NKAIN3: variants seen among roughly 807,000 people sequenced by gnomAD.
NKAIN3 encodes sodium/potassium-transporting ATPase subunit beta-1-interacting protein 3.
Under a neutral mutation model 30.2 loss-of-function variants are expected in NKAIN3, and 25 were observed. That is an observed-to-expected ratio of 0.83 (90% CI 0.60 to 1.16). NKAIN3 has a LOEUF of 1.16. Ranked by LOEUF, NKAIN3 falls within the 50% of genes most tolerant of loss-of-function variation. The pLI is 0.00. For missense variants in NKAIN3, 225 were observed against 254.1 expected, an observed-to-expected ratio of 0.89 and a Z score of 0.78; for synonymous variants, 91 against 89.6, an observed-to-expected ratio of 1.02 and a Z score of -0.09.
chr8:62,815,523 T>C (rs1818646288), intron 4 of NKAIN3, among the ~76,000 whole-genome samples: 2 of 152,170 alleles, frequency 1.3e-5, no homozygotes, highest in Admixed American at 6.5e-5. Flanking sequence ...TTATCCACCA[T>C]GATCAAGTGG....
chr8:62,887,826 G>GCATA, intron 4 of NKAIN3, among the ~76,000 whole-genome samples: 1 of 152,058 alleles, frequency 6.6e-6, no homozygotes, highest in Non-Finnish European at 1.5e-5. Context: ...ATTAATAATA[G>GCATA]TTGTTTCAAA....
intron 1 of NKAIN3, among the ~76,000 whole-genome samples, chr8:62,376,196 G>C (rs1185905456): frequency 2.0e-5 from 3 of 152,128 alleles, no homozygotes; most frequent in Non-Finnish European, 4.4e-5. Flanking sequence ...GAATCTATGT[G>C]CTCTATGTTT....
At chr8:62,746,157 T>C (rs1191556370) in intron 3 of NKAIN3, among the ~76,000 whole-genome samples, 2 of 152,234 alleles carry the variant, frequency 1.3e-5, no homozygotes, top group African/African-American at 4.8e-5. Flanking sequence ...GAATTCTTCC[T>C]GGCGTCTTCC....
intron 1 of NKAIN3, among the ~76,000 whole-genome samples, chr8:62,426,736 C>T (rs369663737): frequency 1.2e-3 from 175 of 152,086 alleles, no homozygotes; most frequent in African/African-American, 4.1e-3. Flanking sequence ...GGAGACATTG[C>T]ATAGGAGCAA....
chr8:62,398,434 G>A (rs62509244), intron 1 of NKAIN3, among the ~76,000 whole-genome samples: 20,915 of 68,120 alleles, frequency 0.31, 1,742 homozygotes, highest in East Asian at 0.56. Flanking sequence ...CACAAAATAA[G>A]CAAGTAACAT....
intron 1 of NKAIN3, among the ~76,000 whole-genome samples, chr8:62,338,074 C>T (rs953191621): frequency 2.0e-5 from 3 of 151,844 alleles, no homozygotes; most frequent in African/African-American, 7.3e-5. Context: ...TTATTATCTG[C>T]CAATGATGTG....
At chr8:62,885,316 T>C (rs566202820) in intron 4 of NKAIN3, among the ~76,000 whole-genome samples, 1 of 152,370 alleles carries the variant, frequency 6.6e-6, no homozygotes, top group East Asian at 1.9e-4. Context: ...GATTTATTTC[T>C]AGTTTAATCC....
chr8:62,452,107 G>A (rs1805658696), intron 1 of NKAIN3, among the ~76,000 whole-genome samples: 1 of 152,128 alleles, frequency 6.6e-6, no homozygotes, highest in Non-Finnish European at 1.5e-5. Flanking sequence ...ATCCAGTGTT[G>A]TGGACTTCAC....
chr8:62,666,114 T>C (rs1813091384), intron 3 of NKAIN3, among the ~76,000 whole-genome samples: 1 of 152,008 alleles, frequency 6.6e-6, no homozygotes, highest in Admixed American at 6.6e-5. Flanking sequence ...CTCAGGAGGC[T>C]GAGGCAGAGA....
intron 4 of NKAIN3, among the ~76,000 whole-genome samples, chr8:62,906,989 G>T (rs1354329883): frequency 6.6e-6 from 1 of 152,146 alleles, no homozygotes; most frequent in African/African-American, 2.4e-5. Flanking sequence ...AAGACAGGAA[G>T]GTGTGAAAAA....
At chr8:62,997,751 TCTTTA>T (rs1804151592) in intron 5 of NKAIN3, among the ~76,000 whole-genome samples, 1 of 130,754 alleles carries the variant, frequency 7.6e-6, no homozygotes, top group Non-Finnish European at 1.6e-5. Flanking sequence ...TGAGCTCTTT[TCTTTA>T]AAAAAAAAAA....
chr8:62,451,800 T>C (rs1184846942), intron 1 of NKAIN3, among the ~76,000 whole-genome samples: 1 of 152,192 alleles, frequency 6.6e-6, no homozygotes, highest in African/African-American at 2.4e-5. Flanking sequence ...ATTTGTATAA[T>C]ATTAAAGCTC....
At chr8:62,352,009 C>T (rs920884124) in intron 1 of NKAIN3, among the ~76,000 whole-genome samples, 1 of 152,156 alleles carries the variant, frequency 6.6e-6, no homozygotes, top group Non-Finnish European at 1.5e-5. Flanking sequence ...ATGGATGAAG[C>T]TCGTGGGCTG....
chr8:62,750,538 C>G (rs1816242496), intron 4 of NKAIN3, among the ~76,000 whole-genome samples: 1 of 152,170 alleles, frequency 6.6e-6, no homozygotes, highest in Admixed American at 6.5e-5. Flanking sequence ...CCGCCTGTGC[C>G]TTGCTTGGCG....
At chr8:62,288,161 A>G (rs4478567) in intron 1 of NKAIN3, among the ~76,000 whole-genome samples, 9,464 of 152,124 alleles carry the variant, frequency 0.062, 981 homozygotes, top group African/African-American at 0.21. Context: ...GTCTATATAC[A>G]TGTCCTGCGT....
At chr8:62,271,234 A>G (rs1325900129) in intron 1 of NKAIN3, among the ~76,000 whole-genome samples, 1 of 152,234 alleles carries the variant, frequency 6.6e-6, no homozygotes, top group Non-Finnish European at 1.5e-5. Flanking sequence ...AAAATAGTTC[A>G]TGACAACAAG....
At chr8:62,762,423 G>C (rs1394969172) in intron 4 of NKAIN3, among the ~76,000 whole-genome samples, 13 of 152,190 alleles carry the variant, frequency 8.5e-5, no homozygotes, top group Admixed American at 8.5e-4. Context: ...ATTCATATGG[G>C]TAGAACTTAG....
intron 1 of NKAIN3, among the ~76,000 whole-genome samples, chr8:62,557,991 G>T (rs192561169): frequency 5.9e-5 from 9 of 152,070 alleles, no homozygotes; most frequent in African/African-American, 2.2e-4. Flanking sequence ...CTAAGTCAAT[G>T]TCTAGAAGTG....
At chr8:62,527,424 C>A (rs901975420) in intron 1 of NKAIN3, among the ~76,000 whole-genome samples, 1 of 152,258 alleles carries the variant, frequency 6.6e-6, no homozygotes, top group Non-Finnish European at 1.5e-5. Flanking sequence ...GGACAACAGA[C>A]CAGATAACCT....
Sources: allele counts gnomAD v4.1 joint callset (sites outside exome capture counted in the v4.1 genomes callset), GRCh38; gene constraint gnomAD v4.1.1; transcripts MANE v1.5; gene names NCBI Gene and HGNC (gene_info 2026-07-23, HGNC 2026-07-21).